The following CALN1 variants were observed in gnomAD, a reference collection of about 807,000 sequenced individuals.
CALN1 encodes calcium-binding protein 8.
In CALN1, 17 loss-of-function variants were observed where a neutral mutation model predicts 30.6. The ratio of observed to expected loss-of-function variants is 0.56; its 90% CI spans 0.38 to 0.83. CALN1 has a LOEUF of 0.83. Ranked by LOEUF, CALN1 falls within the 40% of genes least tolerant of loss-of-function variation. CALN1 has a pLI of 0.00. For synonymous variants in CALN1, 156 were observed against 131.4 expected, an observed-to-expected ratio of 1.19 and a Z score of -1.28; for missense variants, 291 against 354.9, an observed-to-expected ratio of 0.82 and a Z score of 1.45.
At chr7:72,121,493 A>T (rs889303545) in intron 3 of CALN1, among the ~76,000 whole-genome samples, 4 of 147,710 alleles carry the variant, frequency 2.7e-5, no homozygotes, top group Non-Finnish European at 5.9e-5. Flanking sequence ...TGTTATTTAT[A>T]ATATATAAAA....
intron 3 of CALN1, among the ~76,000 whole-genome samples, chr7:72,211,639 G>A (rs1407819806): frequency 1.3e-5 from 2 of 152,178 alleles, no homozygotes; most frequent in African/African-American, 2.4e-5. Context: ...CATCACGAAT[G>A]TTCTATGAAT....
At chr7:72,236,973 T>G (rs1037289047) in intron 3 of CALN1, among the ~76,000 whole-genome samples, 2 of 151,900 alleles carry the variant, frequency 1.3e-5, no homozygotes, top group Admixed American at 6.6e-5. Flanking sequence ...TGGGAACTTT[T>G]TTTTTTCTAT....
chr7:72,454,436 C>T, the CALN1 span, among the ~76,000 whole-genome samples: 1 of 151,980 alleles, frequency 6.6e-6, no homozygotes, highest in African/African-American at 2.4e-5. Context: ...ACTGGGCTGT[C>T]TGCAAAAAAA....
At chr7:72,314,209 C>T (rs994662250) in intron 2 of CALN1, among the ~76,000 whole-genome samples, 7 of 152,148 alleles carry the variant, frequency 4.6e-5, no homozygotes, top group Non-Finnish European at 8.8e-5. Flanking sequence ...CGGCAGAATT[C>T]CAGCAGCTGA....
At chr7:71,899,608 T>C (rs991263892) in intron 5 of CALN1, among the ~76,000 whole-genome samples, 1 of 152,156 alleles carries the variant, frequency 6.6e-6, no homozygotes, top group African/African-American at 2.4e-5. Context: ...GTCCTTAAAG[T>C]AATTTAATAA....
chr7:71,878,163 A>C (rs979234421), intron 5 of CALN1, among the ~76,000 whole-genome samples: 3 of 152,212 alleles, frequency 2.0e-5, no homozygotes, highest in African/African-American at 7.2e-5. Flanking sequence ...GAATTAGCCT[A>C]GTATAAGTTA....
chr7:71,890,746 C>CTTTTT (rs10690153), intron 5 of CALN1, among the ~76,000 whole-genome samples: 9 of 123,222 alleles, frequency 7.3e-5, no homozygotes, highest in Non-Finnish European at 1.1e-4. Flanking sequence ...TGTTTTCTAG[C>CTTTTT]TTTTTTTTTT....
Position 71,779,970 on chromosome 7 carries a change from C to G in CALN1, c.*7805G>C, listed in dbSNP as rs1792631459. 6.6e-6 allele frequency: 1 copy of G among 152,214 alleles called. No individual in the cohort carries two copies. The highest frequency in any genetic ancestry group is 2.4e-5 in the African/African-American group (1 of 41,456). The allele number at this position is 152,214 out of a possible 1,614,324, so 9.4% of individuals were successfully genotyped here. ...ATATACAAAATACAGTCATTTACTA[C>G]TGTGCTTTGAGAGACAACTCACGTC... On this transcript the variant is annotated 3_prime_UTR_variant, in exon 7 of 7. Coordinates refer to ENST00000395275, the MANE Select transcript of CALN1 (RefSeq NM_031468.4).
At chr7:72,012,802 T>C (rs1429182587) in intron 5 of CALN1, among the ~76,000 whole-genome samples, 2 of 152,128 alleles carry the variant, frequency 1.3e-5, no homozygotes, top group African/African-American at 4.8e-5. Context: ...TATTTATTTA[T>C]TGATTGATTT....
At chr7:72,117,951 C>T (rs1808105703) in intron 3 of CALN1, among the ~76,000 whole-genome samples, 1 of 143,120 alleles carries the variant, frequency 7.0e-6, no homozygotes, top group African/African-American at 2.7e-5. Flanking sequence ...GTGCGAGACA[C>T]CGTCTCAAAA....
chr7:72,030,633 C>T (rs1376476114), intron 4 of CALN1, among the ~76,000 whole-genome samples: 1 of 152,194 alleles, frequency 6.6e-6, no homozygotes, highest in Non-Finnish European at 1.5e-5. Context: ...CTAAAAACCA[C>T]TCCCAAGCTG....
chr7:72,224,942 A>C (rs571783196), intron 3 of CALN1, among the ~76,000 whole-genome samples: 152 of 151,176 alleles, frequency 1.0e-3, no homozygotes, highest in East Asian at 3.4e-3. Flanking sequence ...CACACACAAA[A>C]AAAAAATTAG....
intron 5 of CALN1, among the ~76,000 whole-genome samples, chr7:71,817,735 C>T (rs1788349531): frequency 6.6e-6 from 1 of 152,094 alleles, no homozygotes; most frequent in South Asian, 2.1e-4. Flanking sequence ...AGGATGGTCT[C>T]GATCTCCTGA....
At chr7:72,080,886 T>C (rs925969618) in intron 4 of CALN1, among the ~76,000 whole-genome samples, 1 of 152,140 alleles carries the variant, frequency 6.6e-6, no homozygotes, top group African/African-American at 2.4e-5. Context: ...AGAGAAAGGA[T>C]ACTGGAGACA....
chr7:72,065,125 A>G (rs1250609789), intron 4 of CALN1, among the ~76,000 whole-genome samples: 1 of 148,400 alleles, frequency 6.7e-6, no homozygotes, highest in Non-Finnish European at 1.5e-5. Context: ...TAATATATGT[A>G]AAATATATTT....
chr7:72,087,084 C>T (rs750186247), intron 4 of CALN1, among the ~76,000 whole-genome samples: 5 of 152,094 alleles, frequency 3.3e-5, no homozygotes, highest in Admixed American at 6.5e-5. Flanking sequence ...AGACAACAAT[C>T]GATGTAATTT....
intron 5 of CALN1, among the ~76,000 whole-genome samples, chr7:71,855,297 C>T (rs143390886): frequency 5.3e-4 from 81 of 152,210 alleles, no homozygotes; most frequent in Middle Eastern, 3.4e-3. Flanking sequence ...CTCAGGAGTC[C>T]GTGTTTCATG....
At chr7:72,329,604 T>TC (rs1362382267) in intron 2 of CALN1, among the ~76,000 whole-genome samples, 7 of 152,284 alleles carry the variant, frequency 4.6e-5, no homozygotes, top group Admixed American at 1.3e-4. Flanking sequence ...CGCAGATATT[T>TC]CCCCACTTTA....
chr7:72,037,479 T>C (rs535394542), intron 4 of CALN1, among the ~76,000 whole-genome samples: 1 of 152,294 alleles, frequency 6.6e-6, no homozygotes, highest in Admixed American at 6.5e-5. Context: ...AGTCGAACCA[T>C]ATCATTTATT....
Sources: allele counts gnomAD v4.1 joint callset (sites outside exome capture counted in the v4.1 genomes callset), GRCh38; gene constraint gnomAD v4.1.1; transcripts MANE v1.5; gene names NCBI Gene and HGNC (gene_info 2026-07-23, HGNC 2026-07-21).